The following RNF128 variants were observed in gnomAD, a reference collection of about 807,000 sequenced individuals.
RNF128 encodes the protein ring finger protein 128, also known as E3 ubiquitin-protein ligase RNF128.
Under a neutral mutation model 26.2 loss-of-function variants are expected in RNF128, and 13 were observed. The ratio of observed to expected loss-of-function variants is 0.50; its 90% CI spans 0.32 to 0.79. RNF128 has a LOEUF of 0.79. Ranked by LOEUF, RNF128 falls within the 30% of genes least tolerant of loss-of-function variation. RNF128 has a pLI of 0.03. For synonymous variants in RNF128, 149 were observed against 142.5 expected (o/e 1.05, Z -0.32); for missense variants, 315 against 349.7 (o/e 0.90, Z 0.79).
Position 106,796,925 on chromosome X carries a change from C to T in RNF128, c.*1212C>T, listed in dbSNP as rs1311154589. The T allele has an allele frequency of 1.8e-5, 2 of 111,905 alleles. No individual in the cohort carries two copies. The highest frequency in any genetic ancestry group is 3.3e-5 in the African/African-American group (1 of 30,739). The allele number at this position is 111,905 out of a possible 1,213,427, so 9.2% of individuals were successfully genotyped here. The stretch of plus-strand genomic sequence containing the variant: ...CATTCTTGTACACTGATTTGAAATG[C>T]TGTAAATATGTCCCAATTTGTATTG... On this transcript the variant is annotated 3_prime_UTR_variant, in exon 7 of 7. Transcript: ENST00000255499.
upstream of RNF128, among the ~76,000 whole-genome samples, chrX:106,723,323 C>T: frequency 9.0e-6 from 1 of 111,473 alleles, no homozygotes; most frequent in Non-Finnish European, 1.9e-5. Context: ...AATCCCAGCA[C>T]TTTGGGAGGC....
intron 1 of RNF128, among the ~76,000 whole-genome samples, chrX:106,708,466 C>A: frequency 8.9e-6 from 1 of 112,409 alleles, no homozygotes; most frequent in Non-Finnish European, 1.9e-5. Flanking sequence ...ATGTAGTGAT[C>A]TCCATCATAC....
chrX:106,722,184 T>C (rs191530314), upstream of RNF128, among the ~76,000 whole-genome samples: 83 of 110,726 alleles, frequency 7.5e-4, no homozygotes, highest in Non-Finnish European at 1.3e-3. Flanking sequence ...GGTGAAACTA[T>C]ACTTAAATTA....
chrX:106,694,945 G>A (rs1928852484), intron 1 of RNF128, among the ~76,000 whole-genome samples: 1 of 111,289 alleles, frequency 9.0e-6, no homozygotes, highest in South Asian at 3.7e-4. Context: ...CTGCAAAAAC[G>A]TGATATTACC....
chrX:106,720,640 T>C (rs182039193), intron 1 of RNF128, among the ~76,000 whole-genome samples: 40 of 111,309 alleles, frequency 3.6e-4, no homozygotes, highest in Non-Finnish European at 5.3e-4. Flanking sequence ...GTTCTCCCTA[T>C]GTATGTGTAG....
chrX:106,787,746 A>T (rs944058263), intron 3 of RNF128, among the ~76,000 whole-genome samples, 172 bp from the exon 4 acceptor site: 2 of 110,795 alleles, frequency 1.8e-5, no homozygotes, highest in Non-Finnish European at 3.8e-5. Flanking sequence ...TAAAGTCTGG[A>T]TACTTTTAAA....
chrX:106,782,002 T>C (rs1308914537), intron 2 of RNF128, among the ~76,000 whole-genome samples: 1 of 112,671 alleles, frequency 8.9e-6, no homozygotes, highest in Non-Finnish European at 1.9e-5. Context: ...TAGTCTTGGC[T>C]ATAATTAAGA....
intron 1 of RNF128, among the ~76,000 whole-genome samples, chrX:106,763,859 T>C (rs1406791097): frequency 1.8e-5 from 2 of 111,275 alleles, no homozygotes; most frequent in African/African-American, 6.5e-5. Flanking sequence ...TGAATATAGA[T>C]TGTGAGGACT....
chrX:106,773,373 A>G (rs989226289), intron 2 of RNF128, among the ~76,000 whole-genome samples: 1 of 112,062 alleles, frequency 8.9e-6, no homozygotes. Flanking sequence ...TAAATTTTCT[A>G]ACACCTCATT....
chrX:106,793,613 T>A (rs1423676285), intron 6 of RNF128, among the ~76,000 whole-genome samples: 1 of 111,556 alleles, frequency 9.0e-6, no homozygotes, highest in Non-Finnish European at 1.9e-5. Context: ...TTAATTGTCA[T>A]GTGTCCTTAG....
chrX:106,788,349 AT>A (rs1930699995), intron 4 of RNF128, among the ~76,000 whole-genome samples: 1 of 51,900 alleles, frequency 1.9e-5, no homozygotes, highest in African/African-American at 8.4e-5. Context: ...TATAATATAT[AT>A]TATATACTAT....
intron 1 of RNF128, among the ~76,000 whole-genome samples, chrX:106,762,566 G>A (rs933409076): frequency 9.0e-6 from 1 of 110,819 alleles, no homozygotes; most frequent in Non-Finnish European, 1.9e-5. Context: ...GCCCCCCATC[G>A]GCCTCCCAAA....
intron 1 of RNF128, among the ~76,000 whole-genome samples, chrX:106,731,862 T>C (rs1440065821): frequency 9.0e-6 from 1 of 111,423 alleles, no homozygotes; most frequent in African/African-American, 3.3e-5. Context: ...TGGGAAAAAA[T>C]ACTTAGCCTC....
rs150895665 is a variant in RNF128 at position 106,754,410 on chromosome X, CTTTTTTTTTTTTT to C, written c.485-18484_485-18472del. Among the ~76,000 whole-genome samples the C allele has an allele frequency of 7.6e-3, 272 of 35,772 alleles. 2 individuals carry two copies. The highest frequency in any genetic ancestry group is 0.033 in the African/African-American group (252 of 7,562). 31.1% of individuals were successfully genotyped at this position (35,772 alleles called of 115,157 possible). A position where few individuals can be genotyped will look rare whatever the true frequency, so the allele number is the denominator to read the frequency against. On this transcript the variant is annotated intron_variant, in intron 1 of 6. Transcript: ENST00000255499. ...CCACACCTGGCAATGTTTTCTTTCT[CTTTTTTTTTTTTT>C]TTTTTTTTTTTTTTTTTTGTAGCGA... is the stretch of plus-strand genomic sequence containing the variant.
At chrX:106,700,188 A>T (rs1213615480) in intron 1 of RNF128, among the ~76,000 whole-genome samples, 3 of 108,879 alleles carry the variant, frequency 2.8e-5, no homozygotes, top group African/African-American at 1.0e-4. Context: ...ACACCAGGCA[A>T]TTTTATTTTA....
rs772608217 is a variant in RNF128 at position 106,755,965 on chromosome X, A to G, written c.485-16948A>G. Among the ~76,000 whole-genome samples the G allele has an allele frequency of 1.6e-3, 182 of 111,050 alleles. 1 individual carries two copies. Among genetic ancestry groups the G allele is most frequent in the African/African-American group, 5.6e-3 (172 of 30,563 alleles). ...CAACAGACAAACAGAGAGCCAAATC[A>G]TGAGTGAACTCCCATTCACAATTGC... On this transcript the variant is annotated intron_variant, in intron 1 of 6. Transcript: ENST00000255499.
At position 106,726,833 on chromosome X, in the gene RNF128, C is replaced by A; in HGVS notation, c.-81C>A. 2 of 1,093,827 alleles carry A rather than the reference C, an allele frequency of 1.8e-6. No individual in the cohort carries two copies. Among genetic ancestry groups the A allele is most frequent in the Non-Finnish European group, 2.4e-6 (2 of 844,752 alleles). 90.1% of individuals were successfully genotyped at this position (1,093,827 alleles called of 1,213,427 possible). A position where few individuals can be genotyped will look rare whatever the true frequency, so the allele number is the denominator to read the frequency against. On this transcript the variant is annotated 5_prime_UTR_variant, in exon 1 of 7. Transcript: ENST00000255499. ...CTCCATTCCTTCCCCACCTGGCGCG[C>A]ACCTGCTCAAGACCAGGGTCCTGCC...
intron 1 of RNF128, among the ~76,000 whole-genome samples, chrX:106,761,032 G>T (rs752148767): frequency 1.8e-5 from 2 of 111,665 alleles, no homozygotes; most frequent in East Asian, 5.6e-4. Flanking sequence ...TCCAACAAAG[G>T]TCTGATATCC....
At position 106,795,655 on chromosome X, in the gene RNF128, C is replaced by A. The variant is rs747023043; in HGVS notation, c.1229C>A (p.Thr410Asn). The change falls in exon 7 of 7, where the codon ACC becomes AAC. Residue 410 changes from threonine (T) to asparagine (N), a missense_variant. Transcript: ENST00000255499. ...GTTATTCCTCATGTTGACAACCCAA[C>A]CTTTGAAGAAGACGAAACTCCTAAT... ...VDVIPHVDNPTFEEDETPNQE... is the reference protein window; with the variant it reads ...VDVIPHVDNPNFEEDETPNQE... 1.7e-6 allele frequency: 2 copies of A among 1,198,699 alleles called. No homozygotes were observed. Among genetic ancestry groups the A allele is most frequent in the African/African-American group, 1.8e-5 (1 of 56,669 alleles).
Sources: allele counts gnomAD v4.1 joint callset (sites outside exome capture counted in the v4.1 genomes callset), GRCh38; gene constraint gnomAD v4.1.1; transcripts MANE v1.5; gene names NCBI Gene and HGNC (gene_info 2026-07-23, HGNC 2026-07-21).